MAMLD1: variants seen among roughly 807,000 people sequenced by gnomAD.
The protein encoded by MAMLD1 is mastermind like domain containing 1.
Under a neutral mutation model 45.0 loss-of-function variants are expected in MAMLD1, and 14 were observed. The observed-to-expected ratio is 0.31, with a 90% confidence interval of 0.21 to 0.49. MAMLD1 has a LOEUF of 0.49. MAMLD1 is among the 20% of genes least tolerant of loss of function. The pLI, the probability that MAMLD1 is intolerant of heterozygous loss-of-function variation, is 0.99. For missense variants in MAMLD1, 543 were observed against 603.6 expected (o/e 0.90, Z 1.05); for synonymous variants, 254 against 247.8 (o/e 1.02, Z -0.24).
At chrX:150,479,929 G>T (rs1398352317) in intron 5 of MAMLD1, among the ~76,000 whole-genome samples, 4 of 111,789 alleles carry the variant, frequency 3.6e-5, no homozygotes, top group African/African-American at 9.8e-5. Flanking sequence ...CTGAGTGCAG[G>T]AGTGGATGGT....
intron 1 of MAMLD1, among the ~76,000 whole-genome samples, chrX:150,423,386 T>TG (rs2034590514): frequency 0.097 from 9,357 of 96,591 alleles, 412 homozygotes; most frequent in Non-Finnish European, 0.12. Context: ...GTGTGTGTGT[T>TG]TGCACCTTTG....
intron 2 of MAMLD1, among the ~76,000 whole-genome samples, chrX:150,448,916 G>A (rs1182481809): frequency 8.9e-6 from 1 of 111,923 alleles, no homozygotes; most frequent in African/African-American, 3.2e-5. Flanking sequence ...CCAGCTCGGA[G>A]CAGGTACCTA....
intron 1 of MAMLD1, among the ~76,000 whole-genome samples, chrX:150,443,812 T>C (rs1397382869): frequency 9.0e-6 from 1 of 111,273 alleles, no homozygotes; most frequent in Non-Finnish European, 1.9e-5. Flanking sequence ...TTGTAATTGT[T>C]GGTTGAAGCA....
intron 3 of MAMLD1, among the ~76,000 whole-genome samples, chrX:150,468,413 A>C (rs2036290803): frequency 9.0e-6 from 1 of 111,364 alleles, no homozygotes; most frequent in Non-Finnish European, 1.9e-5. Flanking sequence ...CCAAAGCTGG[A>C]AAGGGGTTAT....
chrX:150,409,753 G>A (rs181196285), intron 1 of MAMLD1, among the ~76,000 whole-genome samples: 45 of 111,714 alleles, frequency 4.0e-4, no homozygotes, highest in African/African-American at 1.3e-3. Context: ...TCCACTAAAC[G>A]GGGCTCTCAG....
intron 1 of MAMLD1, among the ~76,000 whole-genome samples, chrX:150,439,563 C>A (rs1456503589): frequency 3.6e-5 from 4 of 111,821 alleles, no homozygotes; most frequent in East Asian, 2.8e-4. Flanking sequence ...AGTTGTCACA[C>A]TACCATTTGT....
chrX:150,491,789 G>A (rs1289786916), intron 5 of MAMLD1, among the ~76,000 whole-genome samples: 2 of 111,985 alleles, frequency 1.8e-5, no homozygotes, highest in Admixed American at 1.9e-4. Flanking sequence ...GGGGAGACAG[G>A]CATCTCAGAG....
intron 1 of MAMLD1, among the ~76,000 whole-genome samples, chrX:150,394,025 CTTATG>C (rs1772676621): frequency 9.8e-6 from 1 of 102,356 alleles, no homozygotes; most frequent in Non-Finnish European, 2.0e-5. Context: ...TAAGTTTTTT[CTTATG>C]TTATGCTCCA....
intron 1 of MAMLD1, among the ~76,000 whole-genome samples, chrX:150,422,165 G>A (rs781863995): frequency 4.4e-5 from 5 of 112,403 alleles, no homozygotes; most frequent in Non-Finnish European, 7.5e-5. Flanking sequence ...AAGGAGAGGC[G>A]GTCACTGGAC....
At chrX:150,371,076 C>G (rs188773931) in intron 1 of MAMLD1, among the ~76,000 whole-genome samples, 1 of 110,866 alleles carries the variant, frequency 9.0e-6, no homozygotes, top group African/African-American at 3.3e-5. Context: ...GAGGAGGACC[C>G]CCGACCCACC....
chrX:150,399,684 C>T (rs1326380399), intron 1 of MAMLD1, among the ~76,000 whole-genome samples: 1 of 111,272 alleles, frequency 9.0e-6, no homozygotes, highest in Non-Finnish European at 1.9e-5. Flanking sequence ...TGGAAGCCAC[C>T]AGAAGCTAGG....
chrX:150,428,686 GGCTAATGT>G (rs1379156274), intron 1 of MAMLD1, among the ~76,000 whole-genome samples: 2 of 112,176 alleles, frequency 1.8e-5, no homozygotes, highest in African/African-American at 6.5e-5. Flanking sequence ...TGTGTCCACA[GGCTAATGT>G]GCTGAGGTTG....
chrX:150,446,135 A>G (rs1276428470), intron 2 of MAMLD1, among the ~76,000 whole-genome samples: 3 of 111,881 alleles, frequency 2.7e-5, no homozygotes, highest in Admixed American at 1.9e-4. Flanking sequence ...CCTCAGGATT[A>G]GGGATTCCAG....
intron 5 of MAMLD1, among the ~76,000 whole-genome samples, chrX:150,478,542 G>A (rs1439196920): frequency 1.8e-5 from 2 of 111,917 alleles, no homozygotes; most frequent in Non-Finnish European, 3.8e-5. Context: ...TAATTCTGGC[G>A]AGAAACATCA....
At chrX:150,388,742 T>C (rs1244874393) in intron 1 of MAMLD1, among the ~76,000 whole-genome samples, 1 of 110,903 alleles carries the variant, frequency 9.0e-6, no homozygotes, top group Admixed American at 9.6e-5. Flanking sequence ...TAGAGGTCAA[T>C]TGTATTGACC....
intron 2 of MAMLD1, among the ~76,000 whole-genome samples, chrX:150,447,601 C>T (rs781948557): frequency 9.0e-6 from 1 of 111,470 alleles, no homozygotes; most frequent in Admixed American, 9.5e-5. Context: ...CATCTGGGTG[C>T]TTGTGAACTG....
chrX:150,491,716 C>T (rs996158570), intron 5 of MAMLD1, among the ~76,000 whole-genome samples: 6 of 111,920 alleles, frequency 5.4e-5, no homozygotes, highest in African/African-American at 1.9e-4. Context: ...GGGTAACAAG[C>T]TGGCTTGGCT....
chrX:150,414,978 CTGCA>C (rs1187918599), intron 1 of MAMLD1, among the ~76,000 whole-genome samples: 1 of 111,732 alleles, frequency 8.9e-6, no homozygotes, highest in Non-Finnish European at 1.9e-5. Context: ...AGGCTTATAA[CTGCA>C]TGCATGCATG....
intron 5 of MAMLD1, among the ~76,000 whole-genome samples, chrX:150,486,439 T>G (rs2036990550): frequency 8.9e-6 from 1 of 111,992 alleles, no homozygotes; most frequent in Non-Finnish European, 1.9e-5. Context: ...GAACCTTGTG[T>G]GGAGCCAGGT....
Sources: allele counts gnomAD v4.1 joint callset (sites outside exome capture counted in the v4.1 genomes callset), GRCh38; gene constraint gnomAD v4.1.1; transcripts MANE v1.5; gene names NCBI Gene and HGNC (gene_info 2026-07-23, HGNC 2026-07-21).